UCHL5: variants seen among roughly 807,000 people sequenced by gnomAD.
The protein encoded by UCHL5 is ubiquitin C-terminal hydrolase L5.
In UCHL5, 34 loss-of-function variants were observed where a neutral mutation model predicts 53.8. That is an observed-to-expected ratio of 0.63 (90% CI 0.48 to 0.84). The LOEUF is 0.84. UCHL5 is among the 40% of genes least tolerant of loss of function. The pLI, the probability that UCHL5 is intolerant of heterozygous loss-of-function variation, is 0.00. For missense variants in UCHL5, 290 were observed against 385.6 expected, an observed-to-expected ratio of 0.75 and a Z score of 2.08; for synonymous variants, 111 against 126.3, an observed-to-expected ratio of 0.88 and a Z score of 0.81.
rs1557976480 is a variant in UCHL5 at position 193,016,329 on chromosome 1, G to C, written c.*22C>G. ...TGAAAATATGTGCAGAAGCAGAAAT[G>C]TGTACATATCTGAAAACATCTTCAT... On this transcript the variant is annotated 3_prime_UTR_variant, in exon 11 of 11. Coordinates refer to ENST00000367454, the MANE Select transcript of UCHL5 (RefSeq NM_001199261.3). 1.3e-6 allele frequency: 2 copies of C among 1,599,266 alleles called. No individual in the cohort carries two copies. Among genetic ancestry groups the C allele is most frequent in the Middle Eastern group, 1.7e-4 (1 of 6,012 alleles).
At chr1:193,035,293 T>C (rs1336383297) in intron 3 of UCHL5, among the ~76,000 whole-genome samples, 1 of 151,872 alleles carries the variant, frequency 6.6e-6, no homozygotes, top group African/African-American at 2.4e-5. Flanking sequence ...AGTCATATAA[T>C]AATCAAACTC....
intron 3 of UCHL5, among the ~76,000 whole-genome samples, chr1:193,046,231 A>G (rs539847250): frequency 2.1e-3 from 322 of 150,288 alleles, no homozygotes; most frequent in African/African-American, 7.7e-3. Context: ...GGGTCGCCCT[A>G]TATCGCCCAG....
At position 193,015,252 on chromosome 1, in the gene UCHL5, C is replaced by T. The variant is rs1167388748; in HGVS notation, c.*1099G>A. On this transcript the variant is annotated 3_prime_UTR_variant, in exon 11 of 11. Transcript: ENST00000367454. ...ATTCTCCCTAATAAAATAAATTATG[C>T]TAAATTGATTTTACAATAAATAATA... The T allele has an allele frequency of 2.6e-5, 4 of 151,854 alleles. No individual in the cohort carries two copies. The highest frequency in any genetic ancestry group is 5.9e-5 in the Non-Finnish European group (4 of 67,902). The allele number at this position is 151,854 out of a possible 1,614,324, so 9.4% of individuals were successfully genotyped here. A position where few individuals can be genotyped will look rare whatever the true frequency, so the allele number is the denominator to read the frequency against.
chr1:193,029,044 C>T (rs1352728609), intron 6 of UCHL5, 135 bp downstream of exon 6: 2 of 1,005,796 alleles, frequency 2.0e-6, no homozygotes, highest in African/African-American at 3.3e-5. Context: ...CACTGAAGAG[C>T]TTAAGGCCTT....
intron 3 of UCHL5, among the ~76,000 whole-genome samples, chr1:193,047,639 TG>T: frequency 6.6e-6 from 1 of 152,322 alleles, no homozygotes; most frequent in African/African-American, 2.4e-5. Context: ...AGCAAGTTTT[TG>T]GGTCTCAGAA....
At chr1:193,046,562 A>G (rs1667381309) in intron 3 of UCHL5, among the ~76,000 whole-genome samples, 1 of 151,556 alleles carries the variant, frequency 6.6e-6, no homozygotes, top group South Asian at 2.1e-4. Context: ...CGGTTTCCAC[A>G]TCTGTAAAAT....
chr1:193,058,200 C>G (rs971194179), intron 1 of UCHL5, among the ~76,000 whole-genome samples: 1 of 151,908 alleles, frequency 6.6e-6, no homozygotes, highest in Non-Finnish European at 1.5e-5. Flanking sequence ...GCACTCCAGC[C>G]TGGGCGACAG....
chr1:193,059,883 C>A (rs1396404355), upstream of UCHL5: 1 of 1,365,216 alleles, frequency 7.3e-7, no homozygotes. The surrounding 1 kb of genome is among the most constrained non-coding windows in gnomAD (Gnocchi z 4.9). Context: ...GGGGTTGAGG[C>A]TGGGCAAACG....
chr1:193,020,064 T>C (rs1656380273), intron 10 of UCHL5: 1 of 984,778 alleles, frequency 1.0e-6, no homozygotes, highest in Admixed American at 6.2e-5. Context: ...CATCTTAGAA[T>C]ACACCCTGAG....
chr1:193,036,191 G>A (rs1663315519), intron 3 of UCHL5, among the ~76,000 whole-genome samples: 1 of 151,480 alleles, frequency 6.6e-6, no homozygotes, highest in East Asian at 1.9e-4. Context: ...AAAAGGCATA[G>A]AGTCTCTGAG....
At chr1:193,031,827 C>T (rs185367994) in intron 3 of UCHL5, among the ~76,000 whole-genome samples, 110 of 152,230 alleles carry the variant, frequency 7.2e-4, no homozygotes, top group Non-Finnish European at 1.2e-3. Context: ...CTGTAACTCA[C>T]GTCACAAAAA....
At chr1:193,034,407 A>G (rs1486785910) in intron 3 of UCHL5, among the ~76,000 whole-genome samples, 1 of 152,088 alleles carries the variant, frequency 6.6e-6, no homozygotes, top group African/African-American at 2.4e-5. Context: ...TCAAGAAAAA[A>G]TAAAGAGCCA....
upstream of UCHL5, chr1:193,059,853 T>G: frequency 7.3e-7 from 1 of 1,363,300 alleles, no homozygotes; most frequent in South Asian, 1.1e-5. The surrounding 1 kb of genome is among the most constrained non-coding windows in gnomAD (Gnocchi z 4.9). Context: ...CAGTCCTCCA[T>G]GTCTCTCACC....
At chr1:193,034,615 A>G (rs888771017) in intron 3 of UCHL5, among the ~76,000 whole-genome samples, 2 of 152,108 alleles carry the variant, frequency 1.3e-5, no homozygotes, top group African/African-American at 4.8e-5. Flanking sequence ...TAACCTTAAT[A>G]CTAAAACGAG....
chr1:193,059,828 C>T (rs1306154175), upstream of UCHL5: 1 of 1,358,518 alleles, frequency 7.4e-7, no homozygotes, highest in African/African-American at 1.5e-5. The surrounding 1 kb of genome is among the most constrained non-coding windows in gnomAD (Gnocchi z 4.9). Context: ...GCCCCAGGGA[C>T]GCGCAAATTC....
intron 3 of UCHL5, among the ~76,000 whole-genome samples, chr1:193,034,839 A>C (rs1380284526): frequency 6.6e-6 from 1 of 152,130 alleles, no homozygotes; most frequent in Non-Finnish European, 1.5e-5. Flanking sequence ...AAGGAAGAAA[A>C]TACAGAAGAT....
chr1:193,045,446 A>G (rs1205266351), intron 3 of UCHL5, among the ~76,000 whole-genome samples: 1 of 152,132 alleles, frequency 6.6e-6, no homozygotes, highest in African/African-American at 2.4e-5. Context: ...TCAAAATCTG[A>G]TCATTTAAAA....
chr1:193,054,236 G>C (rs1669965730), intron 1 of UCHL5, among the ~76,000 whole-genome samples: 1 of 152,162 alleles, frequency 6.6e-6, no homozygotes, highest in African/African-American at 2.4e-5. Flanking sequence ...AAATCAACCT[G>C]GAGCCCCAAG....
upstream of UCHL5, chr1:193,059,507 G>T (rs1482541486): frequency 1.3e-6 from 2 of 1,593,384 alleles, no homozygotes; most frequent in South Asian, 1.1e-5. The surrounding 1 kb of genome is among the most constrained non-coding windows in gnomAD (Gnocchi z 4.9). Flanking sequence ...GATTCGGAAG[G>T]GCTGGGGCCT....
Sources: allele counts gnomAD v4.1 joint callset (sites outside exome capture counted in the v4.1 genomes callset), GRCh38; gene constraint gnomAD v4.1.1; non-coding constraint Gnocchi (gnomAD v3.1); transcripts MANE v1.5; gene names NCBI Gene and HGNC (gene_info 2026-07-23, HGNC 2026-07-21).